Variants in NYAP1 observed in about 807,000 individuals in gnomAD.
The protein encoded by NYAP1 is neuronal tyrosine-phosphorylated phosphoinositide-3-kinase adapter 1.
NYAP1 carries 20 observed loss-of-function variants against 58.6 expected under a neutral mutation model. The observed-to-expected ratio is 0.34, with a 90% CI of 0.24 to 0.50. The LOEUF (loss-of-function observed/expected upper bound fraction) is 0.50, where lower values mean the gene tolerates loss of function less well. Ranked by LOEUF, NYAP1 falls within the 20% of genes least tolerant of loss-of-function variation. The pLI is 0.98. For synonymous variants in NYAP1, 572 were observed against 523.1 expected (o/e 1.09, Z -1.27); for missense variants, 1,150 against 1,194.5 (o/e 0.96, Z 0.55).
rs1180800013 is a variant in NYAP1 at position 100,490,085 on chromosome 7, C to T, written c.1945+419C>T. On this transcript the variant is annotated intron_variant, in intron 4 of 6. Transcript: ENST00000300179. The surrounding 1 kb of genome is among the most constrained non-coding windows in gnomAD (Gnocchi z 4.6). ...GGCAACGCAATGCTCTGCCAGGCCT[C>T]CTCTCAGAGATGAGCTTAGTTCACA... is the stretch of plus-strand genomic sequence containing the variant. Among the ~76,000 whole-genome samples the T allele has an allele frequency of 2.6e-5, 4 of 152,042 alleles. No individual in the cohort carries two copies. The highest frequency in any genetic ancestry group is 5.9e-5 in the Non-Finnish European group (4 of 67,980).
In NYAP1 at chr7:100,488,266, C is replaced by T. The variant is rs202194930; in HGVS notation, c.545C>T (p.Pro182Leu). The T allele has an allele frequency of 6.6e-5, 106 of 1,613,864 alleles. No individual in the cohort carries two copies. Among genetic ancestry groups the T allele is most frequent in the Middle Eastern group, 1.6e-4 (1 of 6,078 alleles). The change falls in exon 4 of 7, where the codon CCA becomes CTA. Residue 182 changes from proline to leucine, a missense_variant. Pro to Leu is a moderately conservative substitution (Grantham distance 98, BLOSUM62 -3). Transcript: ENST00000300179. The surrounding 1 kb of genome is among the most constrained non-coding windows in gnomAD (Gnocchi z 5.9). ...GTCTCCTTCGATGAGTCCTGCCCCC[C>T]AGGCCCCTCTCCTCGAGGGGGGAAC... The part of the protein sequence containing the change: ...LSVSFDESCP[P>L]GPSPRGGNLP...
At position 100,489,263 on chromosome 7, in the gene NYAP1, C is replaced by T. The variant is rs148891879; in HGVS notation, c.1542C>T (p.His514=). Residue 514 remains histidine (H), a synonymous_variant, in exon 4 of 7, where the codon CAC becomes CAT. Transcript: ENST00000300179. ...RPPVPGKTSP[H]GGAMGAAAGV... ...CTGTGCCAGGGAAGACCAGCCCCCA[C>T]GGTGGGGCCATGGGCGCAGCAGCTG... 3.1e-5 allele frequency: 49 copies of T among 1,602,240 alleles called. No individual in the cohort carries two copies. Among genetic ancestry groups the T allele is most frequent in the Admixed American group, 1.5e-4 (9 of 58,210 alleles).
At chr7:100,491,130 C>A in intron 6 of NYAP1, 35 bp downstream of exon 6, 1 of 1,358,678 alleles carries the variant, frequency 7.4e-7, no homozygotes, top group Non-Finnish European at 1.0e-6. Flanking sequence ...TGTGAAGGAG[C>A]AGGTGGAGAA....
rs565673255 is a variant in NYAP1 at position 100,485,801 on chromosome 7, G to T, written c.68+422G>T. On this transcript the variant is annotated intron_variant, in intron 2 of 6. Coordinates refer to ENST00000300179, the MANE Select transcript of NYAP1 (RefSeq NM_173564.4). The surrounding 1 kb of genome is among the most constrained non-coding windows in gnomAD (Gnocchi z 5.7). ...ACTTGGCCTCCTCCCAGTTTTCCCT[G>T]CTGGGGGAGGTGAGTGGTCAAGTGA... Among the ~76,000 whole-genome samples, 1 of 152,296 alleles carries T rather than the reference G, an allele frequency of 6.6e-6. No homozygotes were observed. Among genetic ancestry groups the T allele is most frequent in the South Asian group, 2.1e-4 (1 of 4,832 alleles).
chr7:100,492,129 C>G (rs1445229875), intron 6 of NYAP1, among the ~76,000 whole-genome samples: 1 of 151,958 alleles, frequency 6.6e-6, no homozygotes, highest in African/African-American at 2.4e-5. Flanking sequence ...ATCCCAGCTA[C>G]TCGGGAGGCT....
At chr7:100,489,700 A>C in intron 4 of NYAP1, 34 bp downstream of exon 4, 2 of 51,388 alleles carry the variant, frequency 3.9e-5, no homozygotes, top group Non-Finnish European at 6.2e-5. Context: ...GGCTGGCATC[A>C]GGGGTGGGGG....
intron 1 of NYAP1, among the ~76,000 whole-genome samples, chr7:100,484,717 A>G (rs1286336075): frequency 6.6e-6 from 1 of 152,112 alleles, no homozygotes; most frequent in Non-Finnish European, 1.5e-5. Context: ...GGCCCTGGGC[A>G]TAACTCTGCC....
In NYAP1 at chr7:100,490,476, T is replaced by TC; in HGVS notation, c.1946-39dup. On this transcript the variant is annotated intron_variant, in intron 4 of 6. Transcript: ENST00000300179. The surrounding 1 kb of genome is among the most constrained non-coding windows in gnomAD (Gnocchi z 4.6). ...GTGGCCAGAGGGACAGAATGACGCC[T>TC]CCAACATGCAGGCACACAGCTCTCC... is the stretch of plus-strand genomic sequence containing the variant. The TC allele has an allele frequency of 6.5e-7, 1 of 1,538,106 alleles. No individual in the cohort carries two copies. The highest frequency in any genetic ancestry group is 8.8e-7 in the Non-Finnish European group (1 of 1,133,346).
chr7:100,491,681 G>A (rs999826915), intron 6 of NYAP1, among the ~76,000 whole-genome samples: 4 of 152,108 alleles, frequency 2.6e-5, no homozygotes, highest in Non-Finnish European at 4.4e-5. Context: ...GGAGGCCGAG[G>A]CGGGCAGATC....
Position 100,487,240 on chromosome 7 carries a change from A to ACGCCCGGGGAGGCTTGC in NYAP1, c.430+61_430+77dup, listed in dbSNP as rs1365490778. On this transcript the variant is annotated intron_variant, in intron 3 of 6. Transcript: ENST00000300179. This position sits in a 1 kb window ranked among gnomAD's most constrained non-coding sequence, Gnocchi z 4.1. ...GCTGGGAGCTGGGAGGATCTATTCCACGCCCGGGGAGGCTTGCCGGGAGGG... is the reference window on the plus strand; with the variant it reads ...GCTGGGAGCTGGGAGGATCTATTCCACGCCCGGGGAGGCTTGCCGCCCGGGGAGGCTTGCCGGGAGGG... 1 of 1,441,954 alleles carries ACGCCCGGGGAGGCTTGC rather than the reference A, an allele frequency of 6.9e-7. No homozygotes were observed. Among genetic ancestry groups the ACGCCCGGGGAGGCTTGC allele is most frequent in the Non-Finnish European group, 9.1e-7 (1 of 1,095,030 alleles). 89.3% of individuals were successfully genotyped at this position (1,441,954 alleles called of 1,614,324 possible). A position where few individuals can be genotyped will look rare whatever the true frequency, so the allele number is the denominator to read the frequency against.
At chr7:100,492,581 G>A (rs911866875) in intron 6 of NYAP1, among the ~76,000 whole-genome samples, 15 of 152,110 alleles carry the variant, frequency 9.9e-5, no homozygotes, top group Non-Finnish European at 2.1e-4. Context: ...TGGGTGTAAG[G>A]GCAAGACCGT....
At position 100,492,558 on chromosome 7, in the gene NYAP1, C is replaced by T. The variant is rs4727456; in HGVS notation, c.2269-1088C>T. On this transcript the variant is annotated intron_variant, in intron 6 of 6. Coordinates refer to ENST00000300179, the MANE Select transcript of NYAP1 (RefSeq NM_173564.4). The stretch of plus-strand genomic sequence containing the variant: ...GTTGCAATGAACTACGATCCCACCA[C>T]AGCACTCTATCCTGGGTGTAAGGGC... Among the ~76,000 whole-genome samples the T allele has an allele frequency of 8.8e-3, 1,336 of 152,296 alleles. 91 individuals are homozygous for T. The East Asian group carries it at 0.16, about 18-fold the overall frequency.
chr7:100,484,997 C>G (rs1297131503), intron 1 of NYAP1, among the ~76,000 whole-genome samples: 1 of 152,044 alleles, frequency 6.6e-6, no homozygotes, highest in African/African-American at 2.4e-5. Flanking sequence ...AGAAGGGAAT[C>G]TGTGTTGACC....
In NYAP1 at chr7:100,486,954, G is replaced by A; in HGVS notation, c.202G>A (p.Glu68Lys). Reference sequence around the variant, plus strand: ...TTTCATGACGATGCCCGCCTCCCAGGAGCACACCCCGCACCCCTGCCGCAG... The same window carrying A: ...TTTCATGACGATGCCCGCCTCCCAGAAGCACACCCCGCACCCCTGCCGCAG... ...MGFMTMPASQEHTPHPCRSAM... is the reference protein window; with the variant it reads ...MGFMTMPASQKHTPHPCRSAM... The change falls in exon 3 of 7, where the codon GAG (glutamate) becomes AAG (lysine). Residue 68 changes from glutamate (E) to lysine (K), a missense_variant. Transcript: ENST00000300179. The surrounding 1 kb of genome is among the most constrained non-coding windows in gnomAD (Gnocchi z 6.2). 1 of 1,605,900 alleles carries A rather than the reference G, an allele frequency of 6.2e-7. No individual in the cohort carries two copies.
At position 100,488,000 on chromosome 7, in the gene NYAP1, A is replaced by G; in HGVS notation, c.431-152A>G. On this transcript the variant is annotated intron_variant, in intron 3 of 6. Coordinates refer to ENST00000300179, the MANE Select transcript of NYAP1 (RefSeq NM_173564.4). The surrounding 1 kb of genome is among the most constrained non-coding windows in gnomAD (Gnocchi z 4.1). ...CTATTAAAAAATAAAAAAGAAATGA[A>G]GAAACCTCCTGGGGCTGTAAGTTGA... is the stretch of plus-strand genomic sequence containing the variant. 1 of 584,220 alleles carries G rather than the reference A, an allele frequency of 1.7e-6. No homozygotes were observed. The highest frequency in any genetic ancestry group is 3.0e-6 in the Non-Finnish European group (1 of 335,092). 36.2% of individuals were successfully genotyped at this position (584,220 alleles called of 1,614,324 possible).
In NYAP1 at chr7:100,489,319, C is replaced by G; in HGVS notation, c.1598C>G (p.Ser533Cys). 6.2e-7 allele frequency: 1 copy of G among 1,603,270 alleles called. No individual in the cohort carries two copies. Among genetic ancestry groups the G allele is most frequent in the Non-Finnish European group, 8.5e-7 (1 of 1,175,490 alleles). ...CTCCACCACCGCGGCTGCCTGGCCT[C>G]CCCCCACAGCCTTCCGGACCCAACT... ...GVLHHRGCLASPHSLPDPTVG... is the reference protein window; with the variant it reads ...GVLHHRGCLACPHSLPDPTVG... The change falls in exon 4 of 7, where the codon TCC (serine) becomes TGC (cysteine). Residue 533 changes from serine (S) to cysteine (C), a missense_variant. Coordinates refer to ENST00000300179, the MANE Select transcript of NYAP1 (RefSeq NM_173564.4).
In NYAP1 at chr7:100,486,860, C is replaced by T. The variant is rs766182413; in HGVS notation, c.108C>T (p.Pro36=). The T allele has an allele frequency of 3.3e-6, 5 of 1,534,704 alleles. No individual in the cohort carries two copies. Among genetic ancestry groups the T allele is most frequent in the Non-Finnish European group, 2.6e-6 (3 of 1,145,486 alleles). ...KEVAPAGSAG[P]AAGQGPGVRV... is the part of the protein sequence containing the mutation. ...TGGCCCCCGCTGGCTCGGCTGGGCCCGCGGCCGGCCAGGGGCCTGGGGTCC... is the reference window on the plus strand; with the variant it reads ...TGGCCCCCGCTGGCTCGGCTGGGCCTGCGGCCGGCCAGGGGCCTGGGGTCC... The change falls in exon 3 of 7, where the codon CCC becomes CCT. Residue 36 remains proline, a synonymous_variant. Coordinates refer to ENST00000300179, the MANE Select transcript of NYAP1 (RefSeq NM_173564.4). The surrounding 1 kb of genome is among the most constrained non-coding windows in gnomAD (Gnocchi z 6.2).
Position 100,486,588 on chromosome 7 carries a change from A to C in NYAP1, c.69-233A>C, listed in dbSNP as rs2131065166. On this transcript the variant is annotated intron_variant, in intron 2 of 6. Coordinates refer to ENST00000300179, the MANE Select transcript of NYAP1 (RefSeq NM_173564.4). The surrounding 1 kb of genome is among the most constrained non-coding windows in gnomAD (Gnocchi z 6.2). ...GCCCCAGGGATGCTCCCCTGCAGGC[A>C]TACTCACCCCTCTTCTCATCCCTGC... Among the ~76,000 whole-genome samples, 1 of 152,142 alleles carries C rather than the reference A, an allele frequency of 6.6e-6. No homozygotes were observed. Among genetic ancestry groups the C allele is most frequent in the Non-Finnish European group, 1.5e-5 (1 of 67,950 alleles).
Position 100,487,319 on chromosome 7 carries a change from G to A in NYAP1, c.430+137G>A. On this transcript the variant is annotated intron_variant, in intron 3 of 6. Transcript: ENST00000300179. This position sits in a 1 kb window ranked among gnomAD's most constrained non-coding sequence, Gnocchi z 4.1. Reference sequence around the variant, plus strand: ...AAGATTCCATTCTCAAAAGGAATTGGGGGGGTCCTTTTGGATGGGCCTGAG... The same window carrying A: ...AAGATTCCATTCTCAAAAGGAATTGAGGGGGTCCTTTTGGATGGGCCTGAG... 1.0e-6 allele frequency: 1 copy of A among 978,992 alleles called. No homozygotes were observed. Among genetic ancestry groups the A allele is most frequent in the African/African-American group, 1.7e-5 (1 of 58,430 alleles). 60.6% of individuals were successfully genotyped at this position (978,992 alleles called of 1,614,324 possible). A position where few individuals can be genotyped will look rare whatever the true frequency, so the allele number is the denominator to read the frequency against.
Sources: allele counts gnomAD v4.1 joint callset (sites outside exome capture counted in the v4.1 genomes callset), GRCh38; gene constraint gnomAD v4.1.1; non-coding constraint Gnocchi (gnomAD v3.1); transcripts MANE v1.5; gene names NCBI Gene and HGNC (gene_info 2026-07-23, HGNC 2026-07-21).